Variants in PTGR3 observed in about 807,000 individuals in gnomAD.
The protein encoded by PTGR3 is zinc binding alcohol dehydrogenase domain containing 2.
chr18:75,201,008 G>A, the PTGR3 span: 4 of 170,464 alleles, frequency 2.3e-5, no homozygotes, highest in South Asian at 6.4e-4. Context: ...AACTGCTTAT[G>A]AGCATAAGAC....
the PTGR3 span, among the ~76,000 whole-genome samples, chr18:75,203,177 C>A: frequency 6.6e-6 from 1 of 152,102 alleles, no homozygotes; most frequent in Non-Finnish European, 1.5e-5. Context: ...ATCTTGGTAT[C>A]CGGAGTCAAT....
At chr18:75,197,202 C>T in the PTGR3 span, 15 of 152,090 alleles carry the variant, frequency 9.9e-5, no homozygotes, top group African/African-American at 3.6e-4. Flanking sequence ...GTAAGACCTA[C>T]TATTTGATAG....
the PTGR3 span, chr18:75,200,852 A>G: frequency 2.0e-5 from 3 of 152,358 alleles, no homozygotes; most frequent in African/African-American, 7.2e-5. Context: ...TCATTTTTCT[A>G]ATAACAAAAT....
At chr18:75,206,533 A>C in the PTGR3 span, among the ~76,000 whole-genome samples, 1 of 152,234 alleles carries the variant, frequency 6.6e-6, no homozygotes, top group Non-Finnish European at 1.5e-5. Context: ...TTAAGCCTCT[A>C]TTCTTAAAAA....
chr18:75,205,632 A>C, the PTGR3 span: 1 of 345,428 alleles, frequency 2.9e-6, no homozygotes, highest in Non-Finnish European at 4.1e-6. Flanking sequence ...CTCTGAACAA[A>C]AACCAAAGGC....
At chr18:75,208,902 G>A in the PTGR3 span, 23 of 1,571,148 alleles carry the variant, frequency 1.5e-5, no homozygotes, top group African/African-American at 4.2e-5. Context: ...GGGCAGTCCC[G>A]GCTCAGGGTG....
chr18:75,201,220 T>G, the PTGR3 span: 1 of 574,204 alleles, frequency 1.7e-6, no homozygotes, highest in South Asian at 2.5e-5. Flanking sequence ...GAGGGAAGTT[T>G]TATTAGCACA....
the PTGR3 span, among the ~76,000 whole-genome samples, chr18:75,202,688 G>T: frequency 6.7e-6 from 1 of 148,446 alleles, no homozygotes; most frequent in Non-Finnish European, 1.5e-5. Flanking sequence ...AAGAAAAGAA[G>T]GAAAAAAGAA....
At chr18:75,199,471 ATTATT>A in the PTGR3 span, 3 of 152,166 alleles carry the variant, frequency 2.0e-5, no homozygotes, top group Non-Finnish European at 4.4e-5. Context: ...CTTTGATTAG[ATTATT>A]TTATTACAAC....
chr18:75,204,521 G>C, the PTGR3 span, among the ~76,000 whole-genome samples: 8 of 152,280 alleles, frequency 5.3e-5, no homozygotes, highest in East Asian at 1.6e-3. Flanking sequence ...CGCTGGAGCG[G>C]TGGCAGCAGA....
the PTGR3 span, chr18:75,208,551 G>GT: frequency 9.3e-7 from 1 of 1,077,796 alleles, no homozygotes; most frequent in Non-Finnish European, 1.1e-6. Context: ...TTTATTTCGG[G>GT]AGCGGGAGGG....
chr18:75,208,872 C>A, the PTGR3 span: 1 of 1,528,996 alleles, frequency 6.5e-7, no homozygotes, highest in Non-Finnish European at 8.8e-7. Context: ...AGGAGGTCTC[C>A]GTCCCCGGGG....
At chr18:75,208,760 G>C in the PTGR3 span, 1 of 1,196,908 alleles carries the variant, frequency 8.4e-7, no homozygotes, top group African/African-American at 1.6e-5. Flanking sequence ...GTGTGGGCAC[G>C]CGGGCGGGCT....
the PTGR3 span, among the ~76,000 whole-genome samples, chr18:75,206,691 C>T: frequency 3.3e-5 from 5 of 152,136 alleles, no homozygotes; most frequent in Non-Finnish European, 5.9e-5. Context: ...AAACTGTCCC[C>T]ATTCTTTTCC....
chr18:75,204,664 T>C, the PTGR3 span, among the ~76,000 whole-genome samples: 2 of 152,148 alleles, frequency 1.3e-5, no homozygotes, highest in South Asian at 2.1e-4. Context: ...AGGGGATTCA[T>C]TGACCCCAAC....
chr18:75,201,779 T>C, the PTGR3 span: 1 of 1,614,198 alleles, frequency 6.2e-7, no homozygotes, highest in African/African-American at 1.3e-5. Context: ...CCAGGGCGTC[T>C]ACAGCCAAGT....
chr18:75,202,745 G>T, the PTGR3 span, among the ~76,000 whole-genome samples: 1,149 of 151,718 alleles, frequency 7.6e-3, 40 homozygotes, highest in Admixed American at 0.058. Context: ...CTGGAGCTGT[G>T]AGTTGGAAAT....
the PTGR3 span, chr18:75,208,234 G>C: frequency 2.4e-6 from 2 of 823,950 alleles, no homozygotes; most frequent in African/African-American, 3.7e-5. Context: ...CACGCGCCAC[G>C]CGGCGGTCGT....
the PTGR3 span, among the ~76,000 whole-genome samples, chr18:75,205,879 GT>G: frequency 7.9e-5 from 12 of 151,948 alleles, no homozygotes; most frequent in Non-Finnish European, 1.5e-4. Flanking sequence ...GCAACAAACC[GT>G]TTATCAAAAA....
Sources: gnomAD v4.1 joint callset for allele counts (sites outside exome capture counted in the v4.1 genomes callset) on GRCh38, gnomAD v4.1.1 for gene constraint, MANE v1.5 for transcripts, NCBI Gene and HGNC (gene_info 2026-07-23, HGNC 2026-07-21) for gene names.